EVI5: variants seen among roughly 807,000 people sequenced by gnomAD.
EVI5 encodes the protein ecotropic viral integration site 5 protein homolog.
In EVI5, 73 loss-of-function variants were observed where a neutral mutation model predicts 112.0. The ratio of observed to expected loss-of-function variants is 0.65; its 90% confidence interval spans 0.54 to 0.79. The LOEUF is 0.79. Among genes scored for constraint, EVI5 ranks in the 30% least tolerant of loss-of-function variants. EVI5 has a pLI of 0.00. For missense variants in EVI5, 900 were observed against 968.8 expected (o/e 0.93, Z 0.94); for synonymous variants, 305 against 319.9 (o/e 0.95, Z 0.50).
At chr1:92,663,513 GA>G in intron 11 of EVI5, 61 bp from the exon 12 acceptor site, 2 of 837,302 alleles carry the variant, frequency 2.4e-6, no homozygotes, top group Non-Finnish European at 3.5e-6. Context: ...ATAAAATTAG[GA>G]AAAAAGAAAC....
intron 2 of EVI5, among the ~76,000 whole-genome samples, chr1:92,726,441 A>G (rs1459387770): frequency 6.6e-6 from 1 of 152,200 alleles, no homozygotes; most frequent in Admixed American, 6.5e-5. Context: ...CTGTCAACCT[A>G]TTAAATAGAA....
Position 92,548,436 on chromosome 1 carries a change from A to G in EVI5, c.2166+15206T>C, listed in dbSNP as rs552370956. ...GGAAGCATTCCCTTTGAAAACTGGC[A>G]CAAGACAGGGATGCCCTCTCACCAC... On this transcript the variant is annotated intron_variant, in intron 19 of 19. Transcript: ENST00000684568. 2.6e-5 allele frequency among the ~76,000 whole-genome samples: 4 copies of G among 152,358 alleles called. No individual in the cohort carries two copies. The East Asian group carries it at 7.7e-4, about 29-fold the overall frequency.
At chr1:92,556,725 T>A (rs1667735943) in intron 19 of EVI5, among the ~76,000 whole-genome samples, 1 of 152,224 alleles carries the variant, frequency 6.6e-6, no homozygotes, top group Non-Finnish European at 1.5e-5. Context: ...TACTTTTTGA[T>A]ATATATTTAA....
chr1:92,600,219 GTA>G (rs1334865546), intron 18 of EVI5, among the ~76,000 whole-genome samples: 12 of 152,186 alleles, frequency 7.9e-5, no homozygotes, highest in African/African-American at 2.9e-4. Flanking sequence ...AAACTAAACT[GTA>G]TAGATCAGAA....
intron 10 of EVI5, among the ~76,000 whole-genome samples, chr1:92,669,313 C>T (rs545421913): frequency 6.6e-6 from 1 of 151,874 alleles, no homozygotes; most frequent in Non-Finnish European, 1.5e-5. Context: ...TTTGGGAGGC[C>T]AAGGCAGGTG....
chr1:92,754,896 A>T (rs996360315), intron 1 of EVI5, among the ~76,000 whole-genome samples: 5 of 152,214 alleles, frequency 3.3e-5, no homozygotes, highest in African/African-American at 1.2e-4. Flanking sequence ...GTGACATATT[A>T]TGTTCAACAC....
intron 9 of EVI5, among the ~76,000 whole-genome samples, chr1:92,689,646 A>G (rs1003869525): frequency 1.3e-4 from 19 of 151,962 alleles, no homozygotes; most frequent in African/African-American, 4.6e-4. Context: ...AGGACTACAG[A>G]TGTTAAACCA....
At chr1:92,647,521 G>C in intron 13 of EVI5, 1 of 513,484 alleles carries the variant, frequency 1.9e-6, no homozygotes, top group Non-Finnish European at 3.6e-6. Context: ...GCACTTCTTG[G>C]AAAATTCTGC....
In EVI5 at chr1:92,745,098, A is replaced by ATT. The variant is rs750800778; in HGVS notation, c.-81-8473_-81-8472dup. On this transcript the variant is annotated intron_variant, in intron 1 of 19. Coordinates refer to ENST00000684568, the MANE Select transcript of EVI5 (RefSeq NM_001350197.2). ...GGCACACAACTACCATGCCAGGCTA[A>ATT]TTTTTTTTTTTTTTTTTTTTGGTAG... Among the ~76,000 whole-genome samples the ATT allele has an allele frequency of 4.3e-3, 555 of 129,790 alleles. 9 individuals are homozygous for ATT. The highest frequency in any genetic ancestry group is 0.015 in the African/African-American group (520 of 34,052). The allele number at this position is 129,790 out of a possible 152,430, so 85.1% of individuals were successfully genotyped here. A position where few individuals can be genotyped will look rare whatever the true frequency, so the allele number is the denominator to read the frequency against.
chr1:92,791,369 C>T (rs956096322), intron 1 of EVI5, among the ~76,000 whole-genome samples: 7 of 152,168 alleles, frequency 4.6e-5, no homozygotes, highest in Non-Finnish European at 1.0e-4. Flanking sequence ...CTCCAATCTT[C>T]TCATTCATAA....
At chr1:92,658,879 CA>C (rs1239562652) in intron 13 of EVI5, among the ~76,000 whole-genome samples, 3 of 152,052 alleles carry the variant, frequency 2.0e-5, no homozygotes, top group Admixed American at 6.6e-5. Context: ...GTATTAAAAA[CA>C]GACACACAGA....
At chr1:92,631,396 A>G (rs1657066545) in intron 14 of EVI5, among the ~76,000 whole-genome samples, 1 of 152,142 alleles carries the variant, frequency 6.6e-6, no homozygotes. Context: ...GGTCCTTCAC[A>G]TCCCTTGTAA....
At chr1:92,780,769 G>A (rs569449033) in intron 1 of EVI5, among the ~76,000 whole-genome samples, 1 of 151,994 alleles carries the variant, frequency 6.6e-6, no homozygotes, top group African/African-American at 2.4e-5. Context: ...CACTTTGGGA[G>A]GTCAAAGCAG....
chr1:92,791,463 A>G (rs953714271), intron 1 of EVI5, among the ~76,000 whole-genome samples: 2 of 152,206 alleles, frequency 1.3e-5, no homozygotes, highest in African/African-American at 4.8e-5. Context: ...AATATTCAAA[A>G]ATAATAGCTA....
At chr1:92,767,033 A>G (rs1682736390) in intron 1 of EVI5, among the ~76,000 whole-genome samples, 1 of 149,602 alleles carries the variant, frequency 6.7e-6, no homozygotes, top group Admixed American at 6.8e-5. Flanking sequence ...CAGTGAGCTG[A>G]TATCACACCA....
intron 13 of EVI5, among the ~76,000 whole-genome samples, chr1:92,657,954 C>T (rs1259572043): frequency 6.6e-6 from 1 of 152,152 alleles, no homozygotes; most frequent in East Asian, 1.9e-4. Context: ...GAGGACAGCA[C>T]CAAGTCATGA....
In EVI5 at chr1:92,702,128, T is replaced by TA; in HGVS notation, c.639+12dup. 7.5e-7 allele frequency: 1 copy of TA among 1,339,216 alleles called. No homozygotes were observed. Among genetic ancestry groups the TA allele is most frequent in the Non-Finnish European group, 1.0e-6 (1 of 972,578 alleles). 83.0% of individuals were successfully genotyped at this position (1,339,216 alleles called of 1,614,324 possible). ...AAAATTTCATTGGACATTTAATACT[T>TA]ATATTAACTTACCTGCATAAGCAAC... On this transcript the variant is annotated intron_variant, in intron 5 of 19. Coordinates refer to ENST00000684568, the MANE Select transcript of EVI5 (RefSeq NM_001350197.2).
At chr1:92,757,238 T>C (rs1321021680) in intron 1 of EVI5, among the ~76,000 whole-genome samples, 2 of 152,222 alleles carry the variant, frequency 1.3e-5, no homozygotes, top group Non-Finnish European at 2.9e-5. Context: ...TTCAAAAATA[T>C]TCAATACAAC....
intron 1 of EVI5, among the ~76,000 whole-genome samples, chr1:92,759,685 A>T (rs1418200837): frequency 6.6e-6 from 1 of 152,184 alleles, no homozygotes; most frequent in Non-Finnish European, 1.5e-5. Flanking sequence ...TATTCTATAT[A>T]TATCATATAG....
Sources: allele counts gnomAD v4.1 joint callset (sites outside exome capture counted in the v4.1 genomes callset), GRCh38; gene constraint gnomAD v4.1.1; transcripts MANE v1.5; gene names NCBI Gene and HGNC (gene_info 2026-07-23, HGNC 2026-07-21).